The following KIF26B variants were observed in gnomAD, a reference collection of about 807,000 sequenced individuals.
KIF26B encodes kinesin family member 26B.
Under a neutral mutation model 151.2 loss-of-function variants are expected in KIF26B, and 63 were observed. That is an observed-to-expected ratio of 0.42 (90% CI 0.34 to 0.51). KIF26B has a LOEUF of 0.51. Among genes scored for constraint, KIF26B ranks in the 20% least tolerant of loss-of-function variants. The probability of loss-of-function intolerance (pLI) is 0.07; values close to 1 mark genes in which losing one functional copy is unlikely to be tolerated. For missense variants in KIF26B, 2,813 were observed against 2,913.6 expected (o/e 0.97, Z 0.79); for synonymous variants, 1,357 against 1,262.1 (o/e 1.08, Z -1.59).
intron 5 of KIF26B, among the ~76,000 whole-genome samples, chr1:245,599,673 TG>T (rs2043370767): frequency 6.6e-6 from 1 of 152,222 alleles, no homozygotes; most frequent in South Asian, 2.1e-4. Context: ...GCTCAGAGGC[TG>T]GGCTAGGAGA....
At chr1:245,652,118 GT>G (rs2044023821) in intron 10 of KIF26B, among the ~76,000 whole-genome samples, 1 of 136,142 alleles carries the variant, frequency 7.3e-6, no homozygotes, top group Non-Finnish European at 1.5e-5. Flanking sequence ...GTGTGTGTGT[GT>G]GTGTGTGTGT....
chr1:245,685,203 G>T (rs1316457540), intron 11 of KIF26B, among the ~76,000 whole-genome samples: 1 of 152,264 alleles, frequency 6.6e-6, no homozygotes, highest in Non-Finnish European at 1.5e-5. Flanking sequence ...GCCACACGGG[G>T]CTTCCCCTTC....
At position 245,156,263 on chromosome 1, in the gene KIF26B, C is replaced by A. The variant is rs1296300943; in HGVS notation, c.64-19C>A. On this transcript the variant is annotated intron_variant, in intron 1 of 14. Coordinates refer to ENST00000407071, the MANE Select transcript of KIF26B (RefSeq NM_018012.4). ...CCCGCCGCCTTGCAGCCCCTGACACCGGCGTGTCTTCCCCGCAGGTGAATG... is the reference window on the plus strand; with the variant it reads ...CCCGCCGCCTTGCAGCCCCTGACACAGGCGTGTCTTCCCCGCAGGTGAATG... 6.5e-7 allele frequency: 1 copy of A among 1,543,252 alleles called. No homozygotes were observed. The highest frequency in any genetic ancestry group is 8.7e-7 in the Non-Finnish European group (1 of 1,144,794).
At chr1:245,382,521 C>A (rs891900964) in intron 3 of KIF26B, among the ~76,000 whole-genome samples, 3 of 146,828 alleles carry the variant, frequency 2.0e-5, no homozygotes, top group Non-Finnish European at 4.5e-5. Context: ...GTACACTGTT[C>A]TAAGCACAGG....
chr1:245,564,498 G>C lies in KIF26B; in HGVS notation c.1350+23548G>C, dbSNP rs1171514763. 6.6e-6 allele frequency among the ~76,000 whole-genome samples: 1 copy of C among 152,172 alleles called. No individual in the cohort carries two copies. The highest frequency in any genetic ancestry group is 2.4e-5 in the African/African-American group (1 of 41,422). ...GAGGGACAGCATCGCCTCAGTGAAAGTTTTGGGTTAAACACTGTCTGCAGT... is the reference window on the plus strand; with the variant it reads ...GAGGGACAGCATCGCCTCAGTGAAACTTTTGGGTTAAACACTGTCTGCAGT... On this transcript the variant is annotated intron_variant, in intron 5 of 14. Transcript: ENST00000407071. The surrounding 1 kb of genome is among the most constrained non-coding windows in gnomAD (Gnocchi z 4.6).
rs928521199 is a variant in KIF26B at position 245,563,253 on chromosome 1, G to A, written c.1350+22303G>A. On this transcript the variant is annotated intron_variant, in intron 5 of 14. Transcript: ENST00000407071. The surrounding 1 kb of genome is among the most constrained non-coding windows in gnomAD (Gnocchi z 4.6). Reference sequence around the variant, plus strand: ...ATGTAAAATCCCCCATTTTATCACCGAACAACCTGTTTCCACCCATTTCCC... The same window carrying A: ...ATGTAAAATCCCCCATTTTATCACCAAACAACCTGTTTCCACCCATTTCCC... Among the ~76,000 whole-genome samples, 6 of 152,050 alleles carry A rather than the reference G, an allele frequency of 3.9e-5. No individual in the cohort carries two copies. The highest frequency in any genetic ancestry group is 2.1e-4 in the South Asian group (1 of 4,812).
chr1:245,627,806 C>G (rs1219982464), intron 9 of KIF26B, among the ~76,000 whole-genome samples: 1 of 152,120 alleles, frequency 6.6e-6, no homozygotes, highest in Non-Finnish European at 1.5e-5. Flanking sequence ...GATATCACCC[C>G]TGATCCCACA....
At chr1:245,519,054 T>C (rs1009912541) in intron 4 of KIF26B, among the ~76,000 whole-genome samples, 3 of 152,202 alleles carry the variant, frequency 2.0e-5, no homozygotes, top group Non-Finnish European at 4.4e-5. Context: ...GTAAGACATA[T>C]AGGTAAATAA....
At chr1:245,474,110 CT>C (rs35748378) in intron 4 of KIF26B, among the ~76,000 whole-genome samples, 99,474 of 111,258 alleles carry the variant, frequency 0.89, 44,155 homozygotes, top group East Asian at 0.93. Flanking sequence ...ACAGTAGGTC[CT>C]TTTTTTTTTT....
intron 2 of KIF26B, among the ~76,000 whole-genome samples, chr1:245,327,096 C>T (rs1350347285): frequency 1.3e-5 from 2 of 152,212 alleles, no homozygotes; most frequent in Non-Finnish European, 2.9e-5. Context: ...ATCTGGGGGA[C>T]CTTCTTTAGG....
At chr1:245,449,882 C>T (rs1659347467) in intron 4 of KIF26B, among the ~76,000 whole-genome samples, 1 of 152,172 alleles carries the variant, frequency 6.6e-6, no homozygotes, top group South Asian at 2.1e-4. Flanking sequence ...TTACAGTCTG[C>T]TTGTTATCTT....
intron 5 of KIF26B, among the ~76,000 whole-genome samples, chr1:245,590,547 T>C (rs1220691775): frequency 1.3e-5 from 2 of 152,320 alleles, no homozygotes; most frequent in East Asian, 1.9e-4. Flanking sequence ...ACCCAGTGTT[T>C]ACCAAAAATC....
intron 2 of KIF26B, among the ~76,000 whole-genome samples, chr1:245,338,250 G>C (rs941687204): frequency 6.6e-6 from 1 of 152,206 alleles, no homozygotes; most frequent in African/African-American, 2.4e-5. Flanking sequence ...CTTCCATTAT[G>C]TACACCAGGA....
At chr1:245,573,232 A>C (rs565485773) in intron 5 of KIF26B, among the ~76,000 whole-genome samples, 1 of 152,342 alleles carries the variant, frequency 6.6e-6, no homozygotes, top group Admixed American at 6.5e-5. Context: ...AGTGCTTTTA[A>C]AATTAATGAG....
intron 4 of KIF26B, among the ~76,000 whole-genome samples, chr1:245,507,030 T>A (rs1660739694): frequency 6.6e-6 from 1 of 152,186 alleles, no homozygotes; most frequent in Admixed American, 6.5e-5. Context: ...AGGGTAGACT[T>A]CCTCATACCT....
intron 2 of KIF26B, among the ~76,000 whole-genome samples, chr1:245,290,286 T>A (rs1453229497): frequency 6.6e-6 from 1 of 152,190 alleles, no homozygotes; most frequent in Admixed American, 6.5e-5. Context: ...GGAAAGGAGT[T>A]CCGATCCAGA....
intron 3 of KIF26B, among the ~76,000 whole-genome samples, chr1:245,396,978 G>C (rs1051148853): frequency 9.6e-6 from 1 of 104,698 alleles, no homozygotes; most frequent in African/African-American, 3.4e-5. Flanking sequence ...TTTTTTTTTT[G>C]GAAAGGGTTT....
intron 5 of KIF26B, among the ~76,000 whole-genome samples, chr1:245,541,909 C>T (rs182951908): frequency 6.6e-6 from 1 of 152,324 alleles, no homozygotes; most frequent in Non-Finnish European, 1.5e-5. Flanking sequence ...TCTCTGGAGT[C>T]TCCCCTTGCA....
intron 4 of KIF26B, among the ~76,000 whole-genome samples, chr1:245,420,300 G>A (rs1445415961): frequency 1.3e-5 from 2 of 152,192 alleles, no homozygotes; most frequent in African/African-American, 2.4e-5. Context: ...AAAAAGAAAG[G>A]TATTTCAACA....
Sources: gnomAD v4.1 joint callset for allele counts (sites outside exome capture counted in the v4.1 genomes callset) on GRCh38, gnomAD v4.1.1 for gene constraint, Gnocchi (gnomAD v3.1) non-coding constraint, MANE v1.5 for transcripts, NCBI Gene and HGNC (gene_info 2026-07-23, HGNC 2026-07-21) for gene names.